Variants in HEATR4 observed in about 807,000 individuals in gnomAD.
HEATR4 encodes the protein HEAT repeat containing 4, also known as HEAT repeat-containing protein 4.
In HEATR4, 95 loss-of-function variants were observed where a neutral mutation model predicts 108.8. That is an observed-to-expected ratio of 0.87 (90% CI 0.74 to 1.04). The LOEUF (loss-of-function observed/expected upper bound fraction) is 1.04, where lower values mean the gene tolerates loss of function less well. HEATR4 is among the 50% of genes least tolerant of loss of function. HEATR4 has a pLI of 0.00. For missense variants in HEATR4, 1,152 were observed against 1,253.8 expected (o/e 0.92, Z 1.23); for synonymous variants, 443 against 459.4 (o/e 0.96, Z 0.46).
At chr14:73,628,551 T>C in the HEATR4 span, among the ~76,000 whole-genome samples, 109,170 of 151,592 alleles carry the variant, frequency 0.72, 39,482 homozygotes, top group East Asian at 0.9. Flanking sequence ...GTCAAGAGTT[T>C]GAGACCAGCC....
the HEATR4 span, chr14:73,595,784 C>T: frequency 2.0e-5 from 23 of 1,177,150 alleles, no homozygotes; most frequent in Non-Finnish European, 2.5e-5. Flanking sequence ...TTTTACGTAA[C>T]TTTGTTGAAT....
chr14:73,556,414 A>T (rs1449733280), intron 1 of HEATR4, among the ~76,000 whole-genome samples: 1 of 110,986 alleles, frequency 9.0e-6, no homozygotes, highest in Non-Finnish European at 2.0e-5. Context: ...GACAAGAGTG[A>T]AACTTCTTCT....
At chr14:73,575,692 T>C in the HEATR4 span, 4 of 597,292 alleles carry the variant, frequency 6.7e-6, no homozygotes, top group African/African-American at 3.7e-5. Flanking sequence ...CTGTATACTT[T>C]ATCAGTTTGG....
Position 73,531,423 on chromosome 14 carries a change from CT to C in HEATR4, c.-151-1180del, listed in dbSNP as rs767285896. On this transcript the variant is annotated intron_variant, in intron 1 of 17. Coordinates refer to ENST00000553558, the MANE Select transcript of HEATR4 (RefSeq NM_001220484.1). ...ATGGTAGTTTCATGGAGTTTTTCGT[CT>C]TTTTTTTTTTTTTTGCGAGGGAGTC... Among the ~76,000 whole-genome samples, 880 of 93,496 alleles carry C rather than the reference CT, an allele frequency of 9.4e-3. 150 individuals carry two copies. Among genetic ancestry groups the C allele is most frequent in the African/African-American group, 0.025 (743 of 29,554 alleles). The allele number at this position is 93,496 out of a possible 152,430, so 61.3% of individuals were successfully genotyped here.
rs192319908 is a variant in HEATR4 at position 73,554,837 on chromosome 14, C to T, written c.-152+3914G>A. On this transcript the variant is annotated intron_variant, in intron 1 of 17. Transcript: ENST00000553558. The stretch of plus-strand genomic sequence containing the variant: ...CAGAAAACCCTTATCAACAAGTGTA[C>T]AATACTTATCTGAAACTATACGTTT... 1.3e-3 allele frequency among the ~76,000 whole-genome samples: 150 copies of T among 113,186 alleles called. 19 individuals are homozygous for T. The highest frequency in any genetic ancestry group is 4.9e-3 in the Admixed American group (48 of 9,806). 74.3% of individuals were successfully genotyped at this position (113,186 alleles called of 152,430 possible).
Position 73,556,612 on chromosome 14 carries a change from C to T in HEATR4, c.-152+2139G>A, listed in dbSNP as rs1889400323. Among the ~76,000 whole-genome samples, 2 of 113,330 alleles carry T rather than the reference C, an allele frequency of 1.8e-5. 1 individual carries two copies. The highest frequency in any genetic ancestry group is 5.7e-5 in the African/African-American group (2 of 35,116). The allele number at this position is 113,330 out of a possible 152,430, so 74.3% of individuals were successfully genotyped here. A position where few individuals can be genotyped will look rare whatever the true frequency, so the allele number is the denominator to read the frequency against. ...CTTTGTCTGTCTTGGAGTCACGGGACAGGTGTAAGGCCAAATTGTGCACTT... is the reference window on the plus strand; with the variant it reads ...CTTTGTCTGTCTTGGAGTCACGGGATAGGTGTAAGGCCAAATTGTGCACTT... On this transcript the variant is annotated intron_variant, in intron 1 of 17. Transcript: ENST00000553558.
chr14:73,548,545 T>C (rs1432378393), intron 1 of HEATR4, among the ~76,000 whole-genome samples: 2 of 115,452 alleles, frequency 1.7e-5, no homozygotes, highest in African/African-American at 5.6e-5. Flanking sequence ...GGTAATGGTG[T>C]GTACTTAACA....
At chr14:73,573,721 C>T in the HEATR4 span, 16 of 1,110,810 alleles carry the variant, frequency 1.4e-5, no homozygotes, top group Non-Finnish European at 2.0e-5. Flanking sequence ...TTTTTAGTCA[C>T]TTCTTATAGA....
At chr14:73,625,214 C>T in the HEATR4 span, among the ~76,000 whole-genome samples, 29 of 151,578 alleles carry the variant, frequency 1.9e-4, no homozygotes, top group Non-Finnish European at 4.0e-4. Flanking sequence ...TGTGCACCAC[C>T]GCACCCAGCT....
chr14:73,627,843 T>C, the HEATR4 span, among the ~76,000 whole-genome samples: 1 of 151,570 alleles, frequency 6.6e-6, no homozygotes, highest in Non-Finnish European at 1.5e-5. Context: ...TGAGACGGAA[T>C]CTTACTCTCT....
Position 73,491,880 on chromosome 14 carries a change from C to G in HEATR4, c.2844+1186G>C, listed in dbSNP as rs371080341. ...CGCGCGCTGCCCGCCGCCGCGTGGT[C>G]CCTGTACCAGGCCGGCTGCTCCCTG... On this transcript the variant is annotated intron_variant, in intron 17 of 17. Transcript: ENST00000553558. The G allele has an allele frequency of 5.3e-5, 85 of 1,611,684 alleles. No individual in the cohort carries two copies. The African/African-American group carries it at 8.7e-4, about 16-fold the overall frequency.
the HEATR4 span, among the ~76,000 whole-genome samples, chr14:73,602,564 C>A: frequency 6.6e-6 from 1 of 152,158 alleles, no homozygotes; most frequent in Non-Finnish European, 1.5e-5. Flanking sequence ...CCACTAGAGG[C>A]AAGTTGCCTC....
Position 73,522,561 on chromosome 14 carries a change from CCTT to C in HEATR4, c.589_591del (p.Lys197del). Reference sequence around the variant, plus strand: ...ACAGTGGCCTCCCACGCTCTGGCCTCCTTCTCAGGAGGCAGAAGCCAGGCTTCT... The same window carrying C: ...ACAGTGGCCTCCCACGCTCTGGCCTCCTCAGGAGGCAGAAGCCAGGCTTCT... On this transcript the variant is annotated inframe_deletion, in exon 3 of 18. Coordinates refer to ENST00000553558, the MANE Select transcript of HEATR4 (RefSeq NM_001220484.1). The C allele has an allele frequency of 6.2e-7, 1 of 1,614,190 alleles. No homozygotes were observed. Among genetic ancestry groups the C allele is most frequent in the Non-Finnish European group, 8.5e-7 (1 of 1,180,016 alleles).
chr14:73,605,926 T>C, the HEATR4 span, among the ~76,000 whole-genome samples: 1 of 152,130 alleles, frequency 6.6e-6, no homozygotes, highest in African/African-American at 2.4e-5. Flanking sequence ...GTGCTTGAGA[T>C]ACTTTGCAGA....
chr14:73,484,807 G>A (rs1443301994), intron 17 of HEATR4, among the ~76,000 whole-genome samples: 1 of 149,944 alleles, frequency 6.7e-6, no homozygotes, highest in African/African-American at 2.5e-5. Context: ...CAACTATGCA[G>A]GCAGACACAC....
At position 73,493,063 on chromosome 14, in the gene HEATR4, T is replaced by A. The variant is rs771660018; in HGVS notation, c.2844+3A>T. The A allele has an allele frequency of 3.7e-6, 6 of 1,612,752 alleles. No homozygotes were observed. The highest frequency in any genetic ancestry group is 5.1e-6 in the Non-Finnish European group (6 of 1,179,326). The stretch of plus-strand genomic sequence containing the variant: ...TGATAAGCATCAGTGTGCTCACATT[T>A]ACCTTTATCACTGCTTCAGTGTCAC... On this transcript the variant is annotated splice_donor_region_variant and intron_variant, in intron 17 of 17. Coordinates refer to ENST00000553558, the MANE Select transcript of HEATR4 (RefSeq NM_001220484.1).
Position 73,537,643 on chromosome 14 carries a change from G to A in HEATR4, c.-151-7399C>T. ...CCGCGCTGGGCGGCAGCTTCGCGGG[G>A]CTTGAGCCCATGGGGCTGCTCTGGG... On this transcript the variant is annotated intron_variant, in intron 1 of 17. Coordinates refer to ENST00000553558, the MANE Select transcript of HEATR4 (RefSeq NM_001220484.1). 3.2e-6 allele frequency: 4 copies of A among 1,231,122 alleles called. 1 individual carries two copies. Among genetic ancestry groups the A allele is most frequent in the South Asian group, 1.4e-5 (1 of 71,074 alleles). 76.3% of individuals were successfully genotyped at this position (1,231,122 alleles called of 1,614,324 possible).
At chr14:73,614,446 T>C in the HEATR4 span, among the ~76,000 whole-genome samples, 1 of 151,746 alleles carries the variant, frequency 6.6e-6, no homozygotes, top group Non-Finnish European at 1.5e-5. Flanking sequence ...GCTCAATAAA[T>C]CATACTGACT....
At chr14:73,590,145 T>C in the HEATR4 span, among the ~76,000 whole-genome samples, 40 of 152,182 alleles carry the variant, frequency 2.6e-4, no homozygotes, top group Non-Finnish European at 5.1e-4. Context: ...TATTCCCTTA[T>C]CTGGCCCCAC....
Sources: allele counts gnomAD v4.1 joint callset (sites outside exome capture counted in the v4.1 genomes callset), GRCh38; gene constraint gnomAD v4.1.1; transcripts MANE v1.5; gene names NCBI Gene and HGNC (gene_info 2026-07-23, HGNC 2026-07-21).